Variants in CCDC171 observed in about 807,000 individuals in gnomAD.
The protein encoded by CCDC171 is coiled-coil domain containing 171, also known as coiled-coil domain-containing protein 171.
CCDC171 carries 177 observed loss-of-function variants against 168.2 expected under a neutral mutation model. The ratio of observed to expected loss-of-function variants is 1.05; its 90% CI spans 0.93 to 1.19. The LOEUF is 1.19. Among genes scored for constraint, CCDC171 ranks in the 50% most tolerant of loss-of-function variants. The pLI, the probability that CCDC171 is intolerant of heterozygous loss-of-function variation, is 0.00. For synonymous variants in CCDC171, 687 were observed against 540.8 expected (o/e 1.27, Z -3.75); for missense variants, 1,991 against 1,539.0 (o/e 1.29, Z -4.91).
intron 21 of CCDC171, among the ~76,000 whole-genome samples, chr9:15,815,813 C>G (rs889650139): frequency 8.6e-6 from 1 of 116,850 alleles, no homozygotes; most frequent in Non-Finnish European, 1.9e-5. Context: ...ATTTAAAAGT[C>G]TTATCACTTT....
intron 6 of CCDC171, among the ~76,000 whole-genome samples, chr9:15,622,734 A>G (rs1412150779): frequency 2.0e-5 from 3 of 152,200 alleles, no homozygotes; most frequent in African/African-American, 7.2e-5. Flanking sequence ...TTCTTTTTCA[A>G]TAGCTAAGCA....
chr9:15,609,963 T>G (rs3122702), intron 6 of CCDC171, among the ~76,000 whole-genome samples: 83,130 of 151,764 alleles, frequency 0.55, 23,039 homozygotes, highest in East Asian at 0.77. Flanking sequence ...CTCTTCTATT[T>G]TCCATCTTTT....
At chr9:16,024,519 A>T (rs1833237198) in intron 6 of CCDC171, among the ~76,000 whole-genome samples, 1 of 152,196 alleles carries the variant, frequency 6.6e-6, no homozygotes, top group South Asian at 2.1e-4. Context: ...AGAACCCCTC[A>T]TAGGCATGCT....
intron 25 of CCDC171, among the ~76,000 whole-genome samples, chr9:15,966,912 T>TAA (rs576613576): frequency 3.4e-5 from 5 of 147,740 alleles, no homozygotes; most frequent in East Asian, 2.0e-4. Context: ...TATATATATA[T>TAA]AACTGTGTAT....
intron 25 of CCDC171, among the ~76,000 whole-genome samples, chr9:15,961,848 A>G (rs546031087): frequency 6.2e-4 from 94 of 152,204 alleles, no homozygotes; most frequent in African/African-American, 1.8e-3. Context: ...GAGAATAGAG[A>G]AAAAAACCCC....
intron 21 of CCDC171, among the ~76,000 whole-genome samples, chr9:15,841,498 G>A (rs184398765): frequency 6.6e-5 from 10 of 151,928 alleles, no homozygotes; most frequent in Non-Finnish European, 1.0e-4. Flanking sequence ...CCTGAAAGTG[G>A]GTAAGTTATT....
At chr9:15,590,701 C>G (rs764360897) in intron 4 of CCDC171, among the ~76,000 whole-genome samples, 10 of 152,254 alleles carry the variant, frequency 6.6e-5, no homozygotes, top group Middle Eastern at 3.4e-3. Flanking sequence ...AATTTGTAAT[C>G]TACTCTTTTT....
At chr9:15,953,834 A>G (rs930206776) in intron 25 of CCDC171, among the ~76,000 whole-genome samples, 1 of 152,044 alleles carries the variant, frequency 6.6e-6, no homozygotes, top group Non-Finnish European at 1.5e-5. Flanking sequence ...GTTTTTGATT[A>G]CTGAGTCAAT....
chr9:15,900,975 T>G (rs1353691288), intron 24 of CCDC171, among the ~76,000 whole-genome samples: 1 of 152,132 alleles, frequency 6.6e-6, no homozygotes, highest in African/African-American at 2.4e-5. Flanking sequence ...TCTCCAAACT[T>G]TTTCATAGCA....
At chr9:15,904,342 A>G (rs1050568509) in intron 24 of CCDC171, among the ~76,000 whole-genome samples, 18 of 152,214 alleles carry the variant, frequency 1.2e-4, no homozygotes, top group African/African-American at 4.3e-4. Flanking sequence ...CAGAAACTCT[A>G]CAAGCCAGAA....
chr9:15,698,292 G>C (rs539916188), intron 11 of CCDC171, among the ~76,000 whole-genome samples: 10 of 151,884 alleles, frequency 6.6e-5, no homozygotes, highest in African/African-American at 2.2e-4. Flanking sequence ...GAGGCCGAGG[G>C]GGGTGGATCA....
chr9:15,573,499 C>G (rs1463860435), intron 3 of CCDC171, among the ~76,000 whole-genome samples: 1 of 152,086 alleles, frequency 6.6e-6, no homozygotes, highest in East Asian at 1.9e-4. Flanking sequence ...CTAGGCTGGT[C>G]TTGAACTCCT....
chr9:15,961,892 G>C (rs1033503213), intron 25 of CCDC171, among the ~76,000 whole-genome samples: 1 of 152,110 alleles, frequency 6.6e-6, no homozygotes, highest in Non-Finnish European at 1.5e-5. Flanking sequence ...AGCACCATAT[G>C]TAATTTTGTG....
At chr9:15,768,500 C>G (rs564251848) in intron 18 of CCDC171, among the ~76,000 whole-genome samples, 3 of 152,268 alleles carry the variant, frequency 2.0e-5, no homozygotes, top group African/African-American at 7.2e-5. Context: ...CCCTTTCTCC[C>G]TGTCTCCCAG....
At chr9:15,898,487 G>A (rs188505603) in intron 24 of CCDC171, among the ~76,000 whole-genome samples, 4 of 152,246 alleles carry the variant, frequency 2.6e-5, no homozygotes, top group East Asian at 1.9e-4. Context: ...ATGCTAGGTC[G>A]TTTTATTCAA....
At chr9:16,107,252 C>T in the CCDC171 span, among the ~76,000 whole-genome samples, 9 of 152,098 alleles carry the variant, frequency 5.9e-5, no homozygotes, top group South Asian at 2.1e-4. Flanking sequence ...TGGGCTCAAG[C>T]GATTCTCCCA....
At chr9:15,687,370 G>T (rs4741533) in intron 10 of CCDC171, among the ~76,000 whole-genome samples, 143,455 of 151,848 alleles carry the variant, frequency 0.94, 67,811 homozygotes, top group East Asian at 1. Context: ...GGTGGGAGAA[G>T]TTTTTGAGTC....
intron 24 of CCDC171, among the ~76,000 whole-genome samples, chr9:15,915,072 A>G (rs559608741): frequency 1.3e-5 from 2 of 149,028 alleles, no homozygotes; most frequent in Non-Finnish European, 3.0e-5. Context: ...GGAGCTGCAG[A>G]CTGGAGCTGT....
In CCDC171 at chr9:15,820,566, G is replaced by T. The variant is rs1177426982; in HGVS notation, c.3268-26136G>T. 9.3e-5 allele frequency among the ~76,000 whole-genome samples: 11 copies of T among 117,988 alleles called. 2 individuals carry two copies. The East Asian group carries it at 2.3e-3, about 25-fold the overall frequency. The allele number at this position is 117,988 out of a possible 152,430, so 77.4% of individuals were successfully genotyped here. A position where few individuals can be genotyped will look rare whatever the true frequency, so the allele number is the denominator to read the frequency against. ...CAGAGACTGCTATAAACACCTCTAT[G>T]CAAATAAACTAGAAAATCTAGAAGA... On this transcript the variant is annotated intron_variant, in intron 21 of 25. Transcript: ENST00000380701.
Sources: gnomAD v4.1 joint callset for allele counts (sites outside exome capture counted in the v4.1 genomes callset) on GRCh38, gnomAD v4.1.1 for gene constraint, MANE v1.5 for transcripts, NCBI Gene and HGNC (gene_info 2026-07-23, HGNC 2026-07-21) for gene names.